ZNF343: variants seen among roughly 807,000 people sequenced by gnomAD.
ZNF343 encodes the protein zinc finger protein 343.
In ZNF343, 11 loss-of-function variants were observed where a neutral mutation model predicts 13.8. The observed-to-expected ratio is 0.80, with a 90% CI of 0.50 to 1.32. The LOEUF (loss-of-function observed/expected upper bound fraction) is 1.32. ZNF343 is among the 40% of genes most tolerant of loss of function. The pLI, the probability that ZNF343 is intolerant of heterozygous loss-of-function variation, is 0.00. For missense variants in ZNF343, 658 were observed against 714.2 expected, an observed-to-expected ratio of 0.92 and a Z score of 0.90; for synonymous variants, 248 against 260.0, an observed-to-expected ratio of 0.95 and a Z score of 0.44.
chr20:2,483,950 C>T lies in ZNF343; in HGVS notation c.1011G>A (p.Lys337=). The part of the protein sequence containing the change: ...CRECGQSFRS[K]SILNRHQWTH... ...TCCACTGATGTCTATTGAGGATGGA[C>T]TTACTTCTAAAGCTTTGCCCACACT... The change falls in exon 6 of 6, where the codon AAG becomes AAA. Residue 337 remains lysine (K), a synonymous_variant. Coordinates refer to ENST00000278772, the MANE Select transcript of ZNF343 (RefSeq NM_024325.6). The T allele has an allele frequency of 6.2e-7, 1 of 1,614,030 alleles. No individual in the cohort carries two copies. The highest frequency in any genetic ancestry group is 8.5e-7 in the Non-Finnish European group (1 of 1,180,002).
intron 5 of ZNF343, among the ~76,000 whole-genome samples, chr20:2,490,197 G>A (rs563684119): frequency 2.1e-4 from 32 of 152,210 alleles, no homozygotes; most frequent in South Asian, 1.2e-3. Flanking sequence ...GTGAGACAGC[G>A]ATAGATAATG....
chr20:2,501,581 C>T (rs1271963373), intron 1 of ZNF343, among the ~76,000 whole-genome samples: 4 of 152,204 alleles, frequency 2.6e-5, no homozygotes, highest in Non-Finnish European at 2.9e-5. Context: ...CAGACTGACA[C>T]CTCACATGGA....
chr20:2,505,283 A>G (rs2085636740), intron 1 of ZNF343, among the ~76,000 whole-genome samples: 1 of 152,184 alleles, frequency 6.6e-6, no homozygotes, highest in Admixed American at 6.5e-5. Context: ...ACTACAAACC[A>G]CTGCTCAATG....
chr20:2,506,187 G>T (rs1231347118), intron 1 of ZNF343, among the ~76,000 whole-genome samples: 4 of 152,156 alleles, frequency 2.6e-5, no homozygotes, highest in African/African-American at 7.2e-5. Context: ...AAAAGACACA[G>T]GAAAAAATGC....
intron 2 of ZNF343, among the ~76,000 whole-genome samples, chr20:2,496,097 T>C (rs915212324): frequency 6.6e-6 from 1 of 152,002 alleles, no homozygotes; most frequent in African/African-American, 2.4e-5. Context: ...ACAAAAAAAA[T>C]ATATACCTCA....
chr20:2,520,266 A>C (rs1037266615), intron 1 of ZNF343, among the ~76,000 whole-genome samples: 5 of 152,200 alleles, frequency 3.3e-5, no homozygotes, highest in South Asian at 4.1e-4. Context: ...TTTATATATC[A>C]TTTATTAAAT....
chr20:2,485,368 C>A (rs2085265983), intron 5 of ZNF343, among the ~76,000 whole-genome samples: 1 of 152,184 alleles, frequency 6.6e-6, no homozygotes, highest in African/African-American at 2.4e-5. Flanking sequence ...CACCTGCCTA[C>A]AAAATATCAA....
chr20:2,517,600 C>T (rs575579316), intron 1 of ZNF343, among the ~76,000 whole-genome samples: 1 of 151,612 alleles, frequency 6.6e-6, no homozygotes, highest in Non-Finnish European at 1.5e-5. Flanking sequence ...CTCCTGGGCT[C>T]AAGCAGTCCT....
rs2085698822 is a variant in ZNF343, at chr20:2,508,224, A to T, written c.-237+657T>A. Among the ~76,000 whole-genome samples, 1 of 151,984 alleles carries T rather than the reference A, an allele frequency of 6.6e-6. No individual in the cohort carries two copies. The highest frequency in any genetic ancestry group is 6.6e-5 in the Admixed American group (1 of 15,244). Reference sequence around the variant, plus strand: ...AAACCCCAGGGACTCCTGACCCAAGACACTCGCCCAGGCCCTCTCAGGATA... The same window carrying T: ...AAACCCCAGGGACTCCTGACCCAAGTCACTCGCCCAGGCCCTCTCAGGATA... On this transcript the variant is annotated intron_variant, in intron 1 of 5. Coordinates refer to ENST00000278772, the MANE Select transcript of ZNF343 (RefSeq NM_024325.6). The surrounding 1 kb of genome is among the most constrained non-coding windows in gnomAD (Gnocchi z 4.5).
chr20:2,501,260 G>GA (rs775941091), intron 1 of ZNF343, among the ~76,000 whole-genome samples: 2 of 152,310 alleles, frequency 1.3e-5, no homozygotes, highest in East Asian at 3.9e-4. Flanking sequence ...GAGGCTGGGG[G>GA]AGGGGCACCC....
intron 3 of ZNF343, 75 bp downstream of exon 3, chr20:2,493,702 AC>A: frequency 7.1e-7 from 1 of 1,405,464 alleles, no homozygotes; most frequent in Non-Finnish European, 1.0e-6. Context: ...CTCAGAGGTG[AC>A]CTCTGAAGCA....
At chr20:2,502,309 A>G (rs942501091) in intron 1 of ZNF343, among the ~76,000 whole-genome samples, 11 of 152,226 alleles carry the variant, frequency 7.2e-5, no homozygotes, top group African/African-American at 2.7e-4. Flanking sequence ...ATATGGGACT[A>G]TGTGAAAAGA....
chr20:2,509,388 T>C (rs1416924549), upstream of ZNF343, among the ~76,000 whole-genome samples: 2 of 152,198 alleles, frequency 1.3e-5, no homozygotes, highest in Non-Finnish European at 2.9e-5. Flanking sequence ...CAAAGCCGCC[T>C]CCCAGCGTCT....
intron 5 of ZNF343, 136 bp from the exon 6 acceptor site, chr20:2,484,792 C>A (rs2085257308): frequency 2.7e-6 from 2 of 753,650 alleles, no homozygotes; most frequent in Non-Finnish European, 2.0e-6. Context: ...TGCTTCTGAA[C>A]AATGATTCCT....
intron 1 of ZNF343, among the ~76,000 whole-genome samples, chr20:2,503,791 CTG>C (rs2085609645): frequency 6.6e-6 from 1 of 152,150 alleles, no homozygotes; most frequent in African/African-American, 2.4e-5. Context: ...AACAGAATCT[CTG>C]TGACACATTC....
intron 5 of ZNF343, among the ~76,000 whole-genome samples, chr20:2,487,416 G>C (rs1040090862): frequency 6.6e-6 from 1 of 152,294 alleles, no homozygotes; most frequent in Middle Eastern, 3.4e-3. Context: ...AAAAAAAGAA[G>C]AAACAGATAT....
At chr20:2,502,901 C>T (rs1469562727) in intron 1 of ZNF343, among the ~76,000 whole-genome samples, 3 of 152,176 alleles carry the variant, frequency 2.0e-5, no homozygotes, top group Non-Finnish European at 4.4e-5. Context: ...GAAACTGCAT[C>T]AACTAACGAG....
At position 2,484,553 on chromosome 20, in the gene ZNF343, A is replaced by T; in HGVS notation, c.408T>A (p.Cys136Ter). 6.2e-7 allele frequency: 1 copy of T among 1,614,212 alleles called. No individual in the cohort carries two copies. Among genetic ancestry groups the T allele is most frequent in the Non-Finnish European group, 8.5e-7 (1 of 1,180,006 alleles). The change falls in exon 6 of 6, where the codon TGT becomes TGA. Residue 136 changes from cysteine (C) to a stop codon, truncating the protein, a stop_gained. Coordinates refer to ENST00000278772, the MANE Select transcript of ZNF343 (RefSeq NM_024325.6). LOFTEE classifies it low-confidence loss of function (END_TRUNC). The stretch of plus-strand genomic sequence containing the variant: ...TCCCTGGATGGAAGTGATTTTCTGC[A>T]CATAAGCCCAGGAAGATCTGAAGTA... ...QHVLQIFLGL[C>*]AENHFHPGNS... is the part of the protein sequence containing the mutation.
chr20:2,524,125 G>C (rs2085794646), intron 1 of ZNF343, among the ~76,000 whole-genome samples: 2 of 152,086 alleles, frequency 1.3e-5, no homozygotes, highest in Admixed American at 6.5e-5. Flanking sequence ...TTCAAGACCA[G>C]ACTGGGCAAC....
Sources: gnomAD v4.1 joint callset for allele counts (sites outside exome capture counted in the v4.1 genomes callset) on GRCh38, gnomAD v4.1.1 for gene constraint, Gnocchi (gnomAD v3.1) non-coding constraint, MANE v1.5 for transcripts, NCBI Gene and HGNC (gene_info 2026-07-23, HGNC 2026-07-21) for gene names.